SUCLG2: variants seen among roughly 807,000 people sequenced by gnomAD.
SUCLG2 encodes succinate--CoA ligase [GDP-forming] subunit beta, mitochondrial.
Under a neutral mutation model 47.9 loss-of-function variants are expected in SUCLG2, and 42 were observed. That is an observed-to-expected ratio of 0.88 (90% confidence interval 0.69 to 1.14). SUCLG2 has a LOEUF of 1.14. SUCLG2 is among the 50% of genes most tolerant of loss of function. The pLI is 0.00. For synonymous variants in SUCLG2, 195 were observed against 197.3 expected (o/e 0.99, Z 0.10); for missense variants, 571 against 525.9 (o/e 1.09, Z -0.84).
chr3:67,531,002 G>C (rs1285402388), intron 2 of SUCLG2, among the ~76,000 whole-genome samples: 1 of 152,210 alleles, frequency 6.6e-6, no homozygotes. Flanking sequence ...TTTCTTTGTA[G>C]AGAAGAAACA....
intron 10 of SUCLG2, among the ~76,000 whole-genome samples, chr3:67,387,377 C>A (rs1238019961): frequency 2.6e-5 from 4 of 152,172 alleles, no homozygotes; most frequent in Non-Finnish European, 5.9e-5. Flanking sequence ...GTCAACTCTT[C>A]TCCTGTTCTT....
At chr3:67,646,672 A>T (rs1358824985) in intron 1 of SUCLG2, among the ~76,000 whole-genome samples, 1 of 152,192 alleles carries the variant, frequency 6.6e-6, no homozygotes, top group African/African-American at 2.4e-5. Flanking sequence ...AAGGTATCTT[A>T]CAAAGAAATA....
At chr3:67,485,230 G>A (rs1159957662) in intron 9 of SUCLG2, among the ~76,000 whole-genome samples, 5 of 152,104 alleles carry the variant, frequency 3.3e-5, no homozygotes, top group African/African-American at 1.2e-4. Context: ...GGTAGTAATT[G>A]TATAAAATAC....
At chr3:67,479,483 T>C (rs1704855110) in intron 9 of SUCLG2, among the ~76,000 whole-genome samples, 2 of 152,198 alleles carry the variant, frequency 1.3e-5, no homozygotes, top group Admixed American at 6.5e-5. Flanking sequence ...TATCACGATG[T>C]TTGTCAAATA....
intron 2 of SUCLG2, among the ~76,000 whole-genome samples, chr3:67,592,330 A>G (rs1708183302): frequency 6.6e-6 from 1 of 152,186 alleles, no homozygotes; most frequent in Non-Finnish European, 1.5e-5. Flanking sequence ...AAGGAAAAAC[A>G]AACAACACAA....
chr3:67,578,572 A>C (rs1310949340), intron 2 of SUCLG2, among the ~76,000 whole-genome samples: 1 of 152,100 alleles, frequency 6.6e-6, no homozygotes, highest in Non-Finnish European at 1.5e-5. Flanking sequence ...CCAGGGAGGA[A>C]GGAAAGGAAT....
At chr3:67,455,802 T>C (rs1464893419) in intron 9 of SUCLG2, among the ~76,000 whole-genome samples, 1 of 152,152 alleles carries the variant, frequency 6.6e-6, no homozygotes, top group Non-Finnish European at 1.5e-5. Flanking sequence ...GGCCTTTCCA[T>C]TTTGTTCTAC....
chr3:67,388,920 G>A (rs1303322448), intron 10 of SUCLG2, among the ~76,000 whole-genome samples: 1 of 152,152 alleles, frequency 6.6e-6, no homozygotes, highest in East Asian at 1.9e-4. Flanking sequence ...TAGAGGATCA[G>A]AAGTCAGTCA....
rs544326854 is a variant in SUCLG2 at position 67,574,660 on chromosome 3, T to A, written c.226+34795A>T. 8.5e-4 allele frequency among the ~76,000 whole-genome samples: 130 copies of A among 152,122 alleles called. No homozygotes were observed. The Middle Eastern group carries it at 0.02, about 24-fold the overall frequency. On this transcript the variant is annotated intron_variant, in intron 2 of 10. Coordinates refer to ENST00000307227, the MANE Select transcript of SUCLG2 (RefSeq NM_003848.4). ...GAGATGTGACTCAGGTAAAAAAAAATTTAGATACAACATCAAAAGCATTCT... is the reference window on the plus strand; with the variant it reads ...GAGATGTGACTCAGGTAAAAAAAAAATTAGATACAACATCAAAAGCATTCT...
At position 67,499,630 on chromosome 3, in the gene SUCLG2, G is replaced by C. The variant is rs1360072786; in HGVS notation, c.758-1335C>G. Among the ~76,000 whole-genome samples the C allele has an allele frequency of 2.0e-5, 3 of 152,182 alleles. No homozygotes were observed. The East Asian group carries it at 5.8e-4, about 29-fold the overall frequency. On this transcript the variant is annotated intron_variant, in intron 7 of 10. Coordinates refer to ENST00000307227, the MANE Select transcript of SUCLG2 (RefSeq NM_003848.4). ...CTGCAGTGGAGAGGGTGGCATTATT[G>C]GTATCTGGGTATCTGACCCCTTTTA...
At chr3:67,434,401 T>C (rs1370819631) in intron 9 of SUCLG2, among the ~76,000 whole-genome samples, 1 of 152,006 alleles carries the variant, frequency 6.6e-6, no homozygotes, top group African/African-American at 2.4e-5. Context: ...GTAGTGCATA[T>C]CTGTAGTCCC....
chr3:67,413,187 A>G (rs1185560093), intron 9 of SUCLG2, among the ~76,000 whole-genome samples: 1 of 152,174 alleles, frequency 6.6e-6, no homozygotes, highest in East Asian at 1.9e-4. Flanking sequence ...TAAAGGCTTT[A>G]TTATCTTGGG....
chr3:67,425,786 TTGTCC>T (rs995594529), intron 9 of SUCLG2, among the ~76,000 whole-genome samples: 7 of 152,232 alleles, frequency 4.6e-5, no homozygotes, highest in African/African-American at 1.7e-4. Context: ...TATCTCTTAT[TTGTCC>T]TGTTTGGTGA....
intron 1 of SUCLG2, among the ~76,000 whole-genome samples, chr3:67,642,875 C>T (rs758186658): frequency 2.2e-4 from 33 of 151,404 alleles, no homozygotes; most frequent in Admixed American, 5.3e-4. Flanking sequence ...TATCCAGACA[C>T]CATTAATAGC....
chr3:67,421,034 G>GT (rs1441778745), intron 9 of SUCLG2, among the ~76,000 whole-genome samples: 1 of 152,150 alleles, frequency 6.6e-6, no homozygotes, highest in Non-Finnish European at 1.5e-5. Flanking sequence ...CACATCATAA[G>GT]TATCAGGTCA....
At chr3:67,382,203 C>A (rs1030557272) in intron 10 of SUCLG2, among the ~76,000 whole-genome samples, 1 of 152,180 alleles carries the variant, frequency 6.6e-6, no homozygotes, top group Admixed American at 6.5e-5. Context: ...TATCATGAAA[C>A]TTAATCCTCA....
intron 2 of SUCLG2, among the ~76,000 whole-genome samples, chr3:67,533,991 T>C (rs1706471297): frequency 6.6e-6 from 1 of 151,704 alleles, no homozygotes; most frequent in African/African-American, 2.4e-5. Flanking sequence ...TTTGACTGAA[T>C]GAGACTGGAG....
intron 10 of SUCLG2, among the ~76,000 whole-genome samples, chr3:67,383,298 T>C (rs1294761800): frequency 6.6e-6 from 1 of 152,204 alleles, no homozygotes; most frequent in African/African-American, 2.4e-5. Flanking sequence ...CTATTTTTAT[T>C]CCATTTTGCA....
intron 2 of SUCLG2, among the ~76,000 whole-genome samples, chr3:67,569,450 G>A (rs556738841): frequency 1.2e-3 from 186 of 152,308 alleles, no homozygotes; most frequent in African/African-American, 3.9e-3. Context: ...CAGAGCCACC[G>A]GGGCATGGCT....
Sources: allele counts gnomAD v4.1 joint callset (sites outside exome capture counted in the v4.1 genomes callset), GRCh38; gene constraint gnomAD v4.1.1; transcripts MANE v1.5; gene names NCBI Gene and HGNC (gene_info 2026-07-23, HGNC 2026-07-21).